The following MRC2 variants were observed in gnomAD, a reference collection of about 807,000 sequenced individuals.
The protein encoded by MRC2 is mannose receptor C-type 2.
MRC2 carries 84 observed loss-of-function variants against 206.2 expected under a neutral mutation model. The ratio of observed to expected loss-of-function variants is 0.41; its 90% CI spans 0.34 to 0.49. MRC2 has a LOEUF of 0.49. Among genes scored for constraint, MRC2 ranks in the 20% least tolerant of loss-of-function variants. The pLI is 0.31. For missense variants in MRC2, 1,676 were observed against 2,001.5 expected (o/e 0.84, Z 3.10); for synonymous variants, 798 against 800.0 (o/e 1.00, Z 0.04).
intron 1 of MRC2, among the ~76,000 whole-genome samples, chr17:62,634,286 A>G (rs1044350503): frequency 9.9e-5 from 15 of 152,214 alleles, no homozygotes; most frequent in African/African-American, 3.1e-4. Context: ...AAAAATGGGC[A>G]GTGAGAATGA....
At chr17:62,639,695 G>GTTCA (rs1253616784) in intron 1 of MRC2, among the ~76,000 whole-genome samples, 1 of 152,184 alleles carries the variant, frequency 6.6e-6, no homozygotes, top group Non-Finnish European at 1.5e-5. Flanking sequence ...CACAATCATA[G>GTTCA]TTCACTACAG....
chr17:62,674,868 C>T (rs986423090), intron 9 of MRC2, among the ~76,000 whole-genome samples: 2 of 151,566 alleles, frequency 1.3e-5, no homozygotes, highest in African/African-American at 4.9e-5. Flanking sequence ...TGGCCCTTGG[C>T]CCCCCCCAGC....
In MRC2 at chr17:62,672,238, C is replaced by T; in HGVS notation, c.1461+86C>T. 3 of 1,512,126 alleles carry T rather than the reference C, an allele frequency of 2.0e-6. No individual in the cohort carries two copies. The highest frequency in any genetic ancestry group is 4.5e-5 in the East Asian group (2 of 44,080). The allele number at this position is 1,512,126 out of a possible 1,614,324, so 93.7% of individuals were successfully genotyped here. On this transcript the variant is annotated intron_variant, in intron 8 of 29. Coordinates refer to ENST00000303375, the MANE Select transcript of MRC2 (RefSeq NM_006039.5). This position sits in a 1 kb window ranked among gnomAD's most constrained non-coding sequence, Gnocchi z 4.5. ...CCCCAGCTGAAGGACATCCTAGTTA[C>T]TATCAGAACCTGCCTGGAACCTCTT...
Position 62,664,846 on chromosome 17 carries a change from C to A in MRC2, c.417C>A (p.Ser139Arg). ...QLSLLLGARTSNISKPGTLER... is the reference protein window; with the variant it reads ...QLSLLLGARTRNISKPGTLER... ...CCTTGCTCCTGGGGGCCCGCACCAG[C>A]AACATATCCAAGCCTGGCACCCTTG... The change falls in exon 2 of 30, where the codon AGC (serine) becomes AGA (arginine). Residue 139 changes from serine to arginine, a missense_variant. Ser to Arg is a moderately radical substitution (Grantham distance 110). This residue lies in a region of MRC2 where 318 missense variants were observed against 346.7 expected (regional missense o/e 0.92). Coordinates refer to ENST00000303375, the MANE Select transcript of MRC2 (RefSeq NM_006039.5). The surrounding 1 kb of genome is among the most constrained non-coding windows in gnomAD (Gnocchi z 4.7). 1 of 1,613,812 alleles carries A rather than the reference C, an allele frequency of 6.2e-7. No homozygotes were observed. Among genetic ancestry groups the A allele is most frequent in the Non-Finnish European group, 8.5e-7 (1 of 1,180,036 alleles).
rs548076432 is a variant in MRC2, at chr17:62,690,634, G to T, written c.3893-8G>T. ...ATCCGCCCTGACGTGGGCCTTCTTT[G>T]CATCCAGCGGGTGGGGCCGTCCTGT... is the stretch of plus-strand genomic sequence containing the variant. On this transcript the variant is annotated splice_polypyrimidine_tract_variant and splice_region_variant and intron_variant, in intron 26 of 29. Transcript: ENST00000303375. 3.1e-6 allele frequency: 5 copies of T among 1,594,536 alleles called. No homozygotes were observed. Among genetic ancestry groups the T allele is most frequent in the Non-Finnish European group, 4.3e-6 (5 of 1,170,850 alleles).
intron 1 of MRC2, among the ~76,000 whole-genome samples, chr17:62,629,393 G>A (rs1598961031): frequency 6.6e-6 from 1 of 152,190 alleles, no homozygotes; most frequent in Non-Finnish European, 1.5e-5. Flanking sequence ...TGAGAGGCCC[G>A]GTCAGGGAGG....
chr17:62,657,138 A>C (rs2088627781), intron 1 of MRC2, among the ~76,000 whole-genome samples: 1 of 152,162 alleles, frequency 6.6e-6, no homozygotes, highest in Non-Finnish European at 1.5e-5. Flanking sequence ...ATACAAGGAG[A>C]ACAAGAAGGG....
intron 1 of MRC2, among the ~76,000 whole-genome samples, chr17:62,645,884 A>G (rs984998906): frequency 4.0e-5 from 6 of 151,512 alleles, no homozygotes; most frequent in Non-Finnish European, 7.4e-5. Context: ...GTTGTTTCAT[A>G]ATGTTCTTCT....
intron 13 of MRC2, 112 bp from the exon 14 acceptor site, chr17:62,679,688 C>T: frequency 3.1e-6 from 3 of 964,334 alleles, no homozygotes; most frequent in East Asian, 2.7e-5. Context: ...TGGAGAGGCC[C>T]CAGGCCCTGG....
Position 62,666,539 on chromosome 17 carries a change from G to C in MRC2, c.779G>C (p.Arg260Thr). ...AACTTCCAGTCCACGCTGTCGTGGA[G>C]GGAGGCCTGGGCCAGCTGCGAGCAG... ...QFNFQSTLSW[R>T]EAWASCEQQG... Residue 260 changes from arginine to threonine, a missense_variant, in exon 4 of 30, where the codon AGG becomes ACG. Transcript: ENST00000303375. This position sits in a 1 kb window ranked among gnomAD's most constrained non-coding sequence, Gnocchi z 5.0. 1 of 1,613,486 alleles carries C rather than the reference G, an allele frequency of 6.2e-7. No homozygotes were observed. The highest frequency in any genetic ancestry group is 1.1e-5 in the South Asian group (1 of 90,996).
chr17:62,641,895 CTGTG>C (rs4058579), intron 1 of MRC2, among the ~76,000 whole-genome samples: 13 of 150,068 alleles, frequency 8.7e-5, no homozygotes, highest in South Asian at 4.2e-4. Flanking sequence ...ATCTCACTCT[CTGTG>C]TGTGTGTGTG....
intron 1 of MRC2, among the ~76,000 whole-genome samples, chr17:62,643,341 A>AAG (rs1555675621): frequency 0.032 from 4,568 of 142,920 alleles, 236 homozygotes; most frequent in South Asian, 0.21. Context: ...AAAAAAAAAA[A>AAG]AAAAAAGAAA....
intron 2 of MRC2, among the ~76,000 whole-genome samples, chr17:62,665,408 C>A (rs2088738657): frequency 7.0e-6 from 1 of 143,314 alleles, no homozygotes; most frequent in African/African-American, 2.8e-5. Flanking sequence ...CTGTCCCCCC[C>A]CCCACAAAAA....
chr17:62,662,194 G>A (rs1050114344), intron 1 of MRC2, among the ~76,000 whole-genome samples: 2 of 151,776 alleles, frequency 1.3e-5, no homozygotes, highest in Non-Finnish European at 2.9e-5. Flanking sequence ...AAGTTGCAGT[G>A]AGCCAAGATT....
At chr17:62,630,085 A>G (rs1005047841) in intron 1 of MRC2, among the ~76,000 whole-genome samples, 8 of 152,214 alleles carry the variant, frequency 5.3e-5, no homozygotes, top group African/African-American at 1.7e-4. Context: ...TGGAGCATGC[A>G]GTTTGCTCAG....
chr17:62,667,355 T>C lies in MRC2; in HGVS notation c.974-35T>C, dbSNP rs1438524734. The C allele has an allele frequency of 6.4e-7, 1 of 1,556,332 alleles. No homozygotes were observed. Among genetic ancestry groups the C allele is most frequent in the Non-Finnish European group, 8.7e-7 (1 of 1,152,646 alleles). ...CCGGGAGCCACGGTGTGAGCTTCTCTCTCCGGGGGTGCTGGCGCCCTGCCC... is the reference window on the plus strand; with the variant it reads ...CCGGGAGCCACGGTGTGAGCTTCTCCCTCCGGGGGTGCTGGCGCCCTGCCC... On this transcript the variant is annotated intron_variant, in intron 5 of 29. Coordinates refer to ENST00000303375, the MANE Select transcript of MRC2 (RefSeq NM_006039.5). This position sits in a 1 kb window ranked among gnomAD's most constrained non-coding sequence, Gnocchi z 4.1.
rs1452075826 is a variant in MRC2, at chr17:62,666,357, C to A, written c.694+90C>A. On this transcript the variant is annotated intron_variant, in intron 3 of 29. Transcript: ENST00000303375. This position sits in a 1 kb window ranked among gnomAD's most constrained non-coding sequence, Gnocchi z 5.0. The stretch of plus-strand genomic sequence containing the variant: ...CCCCGGGGCCCAGGGTGAGATACTG[C>A]CCCCTCCCCTACCTAGTGTAGCCTT... The A allele has an allele frequency of 2.5e-6, 4 of 1,583,430 alleles. No individual in the cohort carries two copies. The highest frequency in any genetic ancestry group is 3.4e-6 in the Non-Finnish European group (4 of 1,167,114).
At position 62,627,911 on chromosome 17, in the gene MRC2, G is replaced by A; in HGVS notation, c.109G>A (p.Ala37Thr). The change falls in exon 1 of 30, where the codon GCC (alanine) becomes ACC (threonine). Residue 37 changes from alanine to threonine, a missense_variant. By Grantham distance (58) the Ala-to-Thr change is moderately conservative (BLOSUM62 0). Coordinates refer to ENST00000303375, the MANE Select transcript of MRC2 (RefSeq NM_006039.5). ...LGRPGAPGDAALPEPNVFLIF... is the reference protein window; with the variant it reads ...LGRPGAPGDATLPEPNVFLIF... ...CCGTCCCGGCGCCCCTGGGGACGCC[G>A]CCCTCCCGGGTAAGGCGCTGCCAAC... is the stretch of plus-strand genomic sequence containing the variant. 6.9e-7 allele frequency: 1 copy of A among 1,456,142 alleles called. No individual in the cohort carries two copies. The highest frequency in any genetic ancestry group is 9.0e-7 in the Non-Finnish European group (1 of 1,111,462). The allele number at this position is 1,456,142 out of a possible 1,614,324, so 90.2% of individuals were successfully genotyped here. A position where few individuals can be genotyped will look rare whatever the true frequency, so the allele number is the denominator to read the frequency against.
At position 62,673,804 on chromosome 17, in the gene MRC2, C is replaced by T. The variant is rs142886398; in HGVS notation, c.1462-259C>T. Among the ~76,000 whole-genome samples the T allele has an allele frequency of 4.6e-5, 7 of 152,236 alleles. No homozygotes were observed. In the East Asian group the frequency reaches 7.7e-4, roughly 17 times the overall value. ...GGATTACAGGCATGAGCCACCGCGC[C>T]GGGCCAGGATGCCTTTCCCATTTAG... On this transcript the variant is annotated intron_variant, in intron 8 of 29. Transcript: ENST00000303375.
Sources: allele counts gnomAD v4.1 joint callset (sites outside exome capture counted in the v4.1 genomes callset), GRCh38; gene constraint gnomAD v4.1.1; regional missense constraint gnomAD v4.1.1; non-coding constraint Gnocchi (gnomAD v3.1); transcripts MANE v1.5; gene names NCBI Gene and HGNC (gene_info 2026-07-23, HGNC 2026-07-21).